The following LGI1 variants were observed in gnomAD, a reference collection of about 807,000 sequenced individuals.
The protein encoded by LGI1 is leucine-rich glioma-inactivated protein 1.
A neutral mutation model predicts 57.7 loss-of-function variants in LGI1; 11 were observed. The ratio of observed to expected loss-of-function variants is 0.19; its 90% confidence interval spans 0.12 to 0.32. LGI1 has a LOEUF of 0.32. LGI1 is among the 10% of genes least tolerant of loss of function. The pLI is 1.00. For synonymous variants in LGI1, 222 were observed against 241.9 expected (o/e 0.92, Z 0.76); for missense variants, 422 against 661.9 (o/e 0.64, Z 3.98).
intron 2 of LGI1, among the ~76,000 whole-genome samples, chr10:93,766,630 G>T (rs369394135): frequency 6.7e-6 from 1 of 149,276 alleles, no homozygotes; most frequent in Admixed American, 6.8e-5. Flanking sequence ...TCAGCCTCCC[G>T]AGTAGCTGGG....
intron 4 of LGI1, among the ~76,000 whole-genome samples, chr10:93,778,588 C>T (rs1194094770): frequency 6.6e-6 from 1 of 152,158 alleles, no homozygotes; most frequent in African/African-American, 2.4e-5. Context: ...ATATATGCCT[C>T]GTGAGCTGAT....
At chr10:93,792,978 C>G in intron 6 of LGI1, 66 bp downstream of exon 6, 1 of 1,482,562 alleles carries the variant, frequency 6.7e-7, no homozygotes, top group South Asian at 1.2e-5. Context: ...TTTTCATGTG[C>G]AGGAACTGAT....
At chr10:93,780,137 G>C (rs1036376750) in intron 4 of LGI1, 6 of 152,398 alleles carry the variant, frequency 3.9e-5, no homozygotes, top group African/African-American at 1.4e-4. Context: ...TTCTCACTGA[G>C]TGCCTTTGTC....
At chr10:93,777,765 C>A in intron 4 of LGI1, 148 bp downstream of exon 4, 1 of 665,990 alleles carries the variant, frequency 1.5e-6, no homozygotes, top group Non-Finnish European at 2.7e-6. Context: ...CCATCTTTCC[C>A]TGTCATCTGT....
intron 2 of LGI1, among the ~76,000 whole-genome samples, chr10:93,775,802 T>G (rs1323267900): frequency 2.0e-5 from 3 of 152,218 alleles, no homozygotes; most frequent in Non-Finnish European, 2.9e-5. Flanking sequence ...GAGAAGTCCC[T>G]GGTCCTTGGG....
intron 4 of LGI1, among the ~76,000 whole-genome samples, chr10:93,784,642 A>G (rs2059880840): frequency 6.6e-6 from 1 of 152,146 alleles, no homozygotes; most frequent in African/African-American, 2.4e-5. Flanking sequence ...TCTGGTGGCT[A>G]CCTGGGACTC....
intron 2 of LGI1, among the ~76,000 whole-genome samples, chr10:93,775,573 TTA>T (rs1247759137): frequency 6.6e-6 from 1 of 152,182 alleles, no homozygotes; most frequent in East Asian, 1.9e-4. Context: ...CAACAAATAT[TTA>T]TTCAGTGTCC....
In LGI1 at chr10:93,797,726, C is replaced by T. The variant is rs771178397; in HGVS notation, c.1597C>T (p.Arg533Cys). The T allele has an allele frequency of 2.5e-6, 4 of 1,612,300 alleles. No individual in the cohort carries two copies. The highest frequency in any genetic ancestry group is 3.3e-4 in the Middle Eastern group (2 of 6,062). Residue 533 changes from arginine (R) to cysteine (C), a missense_variant, in exon 8 of 8, where the codon CGT becomes TGT. Around this residue, in one of 3 missense-constraint regions of LGI1, gnomAD observed 301 missense variants for 461.7 expected, o/e 0.65. Transcript: ENST00000371418. The surrounding 1 kb of genome is among the most constrained non-coding windows in gnomAD (Gnocchi z 6.5). ...ATTCACACATGTGTCCATTAATAAG[C>T]GTAATTTTCTTTTTGCTTCCAGTTT... ...RSFTHVSINK[R>C]NFLFASSFKG... is the part of the protein sequence containing the mutation.
chr10:93,777,180 C>G, intron 2 of LGI1, 199 bp from the exon 3 acceptor site: 1 of 631,948 alleles, frequency 1.6e-6, no homozygotes. Flanking sequence ...ACCAGGCACC[C>G]CTTGATGAGC....
Position 93,792,897 on chromosome 10 carries a change from G to T in LGI1, c.658G>T (p.Asp220Tyr). Residue 220 changes from aspartate (D) to tyrosine (Y), a missense_variant, in exon 6 of 8, where the codon GAT becomes TAT. Asp to Tyr is a radical substitution (Grantham distance 160, BLOSUM62 -3). Coordinates refer to ENST00000371418, the MANE Select transcript of LGI1 (RefSeq NM_005097.4). ...KINSLSSKDF[D>Y]CIITEFAKSQ... ...CAATAGTCTCTCCTCGAAGGATTTT[G>T]ATTGCATCATTACAGGTAATGTACT... 1.9e-6 allele frequency: 3 copies of T among 1,613,862 alleles called. No individual in the cohort carries two copies. The highest frequency in any genetic ancestry group is 1.1e-5 in the South Asian group (1 of 91,068).
intron 2 of LGI1, chr10:93,763,076 A>G (rs553308458): frequency 6.6e-6 from 1 of 152,394 alleles, no homozygotes; most frequent in African/African-American, 2.4e-5. Context: ...AGGCTGTGGC[A>G]GGAGCCTCCA....
chr10:93,797,985 T>TA lies in LGI1; in HGVS notation c.*183dup. On this transcript the variant is annotated 3_prime_UTR_variant, in exon 8 of 8. Transcript: ENST00000371418. The surrounding 1 kb of genome is among the most constrained non-coding windows in gnomAD (Gnocchi z 6.5). ...TGTCCAGTCCAGTGATGTGGGAAGTTACCTTTTATAAGACAAAATTTAATT... is the reference window on the plus strand; with the variant it reads ...TGTCCAGTCCAGTGATGTGGGAAGTTAACCTTTTATAAGACAAAATTTAATT... The TA allele has an allele frequency of 1.6e-6, 1 of 626,524 alleles. No homozygotes were observed. Among genetic ancestry groups the TA allele is most frequent in the Non-Finnish European group, 2.8e-6 (1 of 350,934 alleles). 38.8% of individuals were successfully genotyped at this position (626,524 alleles called of 1,614,324 possible). A position where few individuals can be genotyped will look rare whatever the true frequency, so the allele number is the denominator to read the frequency against.
chr10:93,792,630 C>A, intron 5 of LGI1, 113 bp from the exon 6 acceptor site: 1 of 1,073,904 alleles, frequency 9.3e-7, no homozygotes, highest in Non-Finnish European at 1.4e-6. Context: ...GGTTATAGGG[C>A]AGGATGCAAC....
At chr10:93,794,846 T>C (rs1480511424) in intron 7 of LGI1, 1 of 152,200 alleles carries the variant, frequency 6.6e-6, no homozygotes, top group Non-Finnish European at 1.5e-5. Context: ...AGACAAGGCA[T>C]GGAGGGTCAT....
chr10:93,795,985 G>A (rs1025512272), intron 7 of LGI1, among the ~76,000 whole-genome samples: 9 of 152,236 alleles, frequency 5.9e-5, no homozygotes, highest in Admixed American at 3.3e-4. Context: ...GAGGCCTAAA[G>A]CCCAGATTTG....
chr10:93,766,480 G>C (rs546361395), intron 2 of LGI1, among the ~76,000 whole-genome samples: 1 of 142,806 alleles, frequency 7.0e-6, no homozygotes, highest in Non-Finnish European at 1.5e-5. Context: ...AGTTATTTTT[G>C]TATTGCTTGG....
chr10:93,758,034 A>G lies in LGI1; in HGVS notation c.-111A>G, dbSNP rs866672066. The G allele has an allele frequency of 2.2e-6, 2 of 922,848 alleles. No homozygotes were observed. The highest frequency in any genetic ancestry group is 3.3e-5 in the African/African-American group (2 of 60,944). 57.2% of individuals were successfully genotyped at this position (922,848 alleles called of 1,614,324 possible). On this transcript the variant is annotated 5_prime_UTR_variant, in exon 1 of 8. The change creates a new upstream start codon in the 5' untranslated region. Coordinates refer to ENST00000371418, the MANE Select transcript of LGI1 (RefSeq NM_005097.4). The surrounding 1 kb of genome is among the most constrained non-coding windows in gnomAD (Gnocchi z 4.7). Reference sequence around the variant, plus strand: ...GTCTCTGTTTTGAAAAAGCAGAGATACAGAGGCAGAGGAAAAGGGTGGACT... The same window carrying G: ...GTCTCTGTTTTGAAAAAGCAGAGATGCAGAGGCAGAGGAAAAGGGTGGACT...
Position 93,777,364 on chromosome 10 carries a change from A to T in LGI1, c.288-15A>T. ...GTCAGTTTCACCATTTTCATTGTGT[A>T]CTTTTTCTGGGCAGGTTATTCACAT... On this transcript the variant is annotated splice_polypyrimidine_tract_variant and intron_variant, in intron 2 of 7. Transcript: ENST00000371418. 6.2e-7 allele frequency: 1 copy of T among 1,611,782 alleles called. No homozygotes were observed. The highest frequency in any genetic ancestry group is 8.5e-7 in the Non-Finnish European group (1 of 1,177,886).
chr10:93,777,109 G>C (rs2059802141), intron 2 of LGI1: 1 of 568,480 alleles, frequency 1.8e-6, no homozygotes, highest in African/African-American at 1.9e-5. Context: ...TATCATAGCT[G>C]CTCTGATTGT....
Sources: gnomAD v4.1 joint callset for allele counts (sites outside exome capture counted in the v4.1 genomes callset) on GRCh38, gnomAD v4.1.1 for gene constraint, gnomAD v4.1.1 regional missense constraint, Gnocchi (gnomAD v3.1) non-coding constraint, MANE v1.5 for transcripts, NCBI Gene and HGNC (gene_info 2026-07-23, HGNC 2026-07-21) for gene names.